Variants in PRIMA1 observed in about 807,000 individuals in gnomAD.
The protein encoded by PRIMA1 is proline-rich membrane anchor 1.
PRIMA1 carries 7 observed loss-of-function variants against 17.5 expected under a neutral mutation model. That is an observed-to-expected ratio of 0.40 (90% CI 0.23 to 0.75). The LOEUF (loss-of-function observed/expected upper bound fraction) is 0.75, where lower values mean the gene tolerates loss of function less well. Among genes scored for constraint, PRIMA1 ranks in the 30% least tolerant of loss-of-function variants. The pLI, the probability that PRIMA1 is intolerant of heterozygous loss-of-function variation, is 0.37. For synonymous variants in PRIMA1, 97 were observed against 77.9 expected (o/e 1.25, Z -1.29); for missense variants, 200 against 201.8 (o/e 0.99, Z 0.05).
chr14:93,740,433 A>C (rs2076177968), intron 3 of PRIMA1, among the ~76,000 whole-genome samples: 1 of 152,238 alleles, frequency 6.6e-6, no homozygotes, highest in South Asian at 2.1e-4. Flanking sequence ...CTGGAGAGTC[A>C]GAAATATAGC....
At chr14:93,780,105 C>T (rs1297289025) in intron 2 of PRIMA1, among the ~76,000 whole-genome samples, 1 of 152,254 alleles carries the variant, frequency 6.6e-6, no homozygotes, top group African/African-American at 2.4e-5. Flanking sequence ...TCTCTCCTTT[C>T]AGTTCCAGGC....
At position 93,756,276 on chromosome 14, in the gene PRIMA1, T is replaced by C. The variant is rs546934163; in HGVS notation, c.230-18906A>G. 6.0e-4 allele frequency among the ~76,000 whole-genome samples: 92 copies of C among 152,298 alleles called. 1 individual carries two copies. Among genetic ancestry groups the C allele is most frequent in the African/African-American group, 2.2e-3 (91 of 41,560 alleles). On this transcript the variant is annotated intron_variant, in intron 3 of 4. Coordinates refer to ENST00000393140, the MANE Select transcript of PRIMA1 (RefSeq NM_178013.4). ...TTAAACACTGGGCGTGGCTCATTAG[T>C]GCAGTATCTAATGGCTGCCACTGCT...
At chr14:93,755,820 C>A (rs988721239) in intron 3 of PRIMA1, among the ~76,000 whole-genome samples, 1 of 152,124 alleles carries the variant, frequency 6.6e-6, no homozygotes, top group African/African-American at 2.4e-5. Context: ...TCCCACCCCC[C>A]AGAGCCAACC....
intron 3 of PRIMA1, among the ~76,000 whole-genome samples, chr14:93,747,600 T>G (rs1293931300): frequency 6.7e-6 from 1 of 148,228 alleles, no homozygotes; most frequent in Non-Finnish European, 1.5e-5. Context: ...GTATTGTGTA[T>G]GAGTGTGTGA....
At chr14:93,728,688 A>G (rs1322531527) in intron 4 of PRIMA1, among the ~76,000 whole-genome samples, 3 of 152,174 alleles carry the variant, frequency 2.0e-5, no homozygotes, top group Non-Finnish European at 4.4e-5. Flanking sequence ...TGATGACAAA[A>G]GAAAAAGGCC....
rs943160945 is a variant in PRIMA1, at chr14:93,757,395, G to A, written c.230-20025C>T. On this transcript the variant is annotated intron_variant, in intron 3 of 4. Coordinates refer to ENST00000393140, the MANE Select transcript of PRIMA1 (RefSeq NM_178013.4). ...GCGGCTCTATGGACACGTCAGAGCCGGCTAATCCCACAGGGTTTAAGTGGC... is the reference window on the plus strand; with the variant it reads ...GCGGCTCTATGGACACGTCAGAGCCAGCTAATCCCACAGGGTTTAAGTGGC... Among the ~76,000 whole-genome samples the A allele has an allele frequency of 5.3e-5, 8 of 152,214 alleles. 1 individual carries two copies. Among genetic ancestry groups the A allele is most frequent in the African/African-American group, 1.4e-4 (6 of 41,458 alleles).
rs111634756 is a variant in PRIMA1 at position 93,739,057 on chromosome 14, CT to C, written c.230-1688del. 4.2e-3 allele frequency among the ~76,000 whole-genome samples: 616 copies of C among 145,004 alleles called. 2 individuals are homozygous for C. Among genetic ancestry groups the C allele is most frequent in the African/African-American group, 0.011 (451 of 40,028 alleles). On this transcript the variant is annotated intron_variant, in intron 3 of 4. Transcript: ENST00000393140. Reference sequence around the variant, plus strand: ...CACAATTTGTTGTTGTTTTTTCTTTCTTTTTTTTTTTTGAGACGGAGTTTCG... The same window carrying C: ...CACAATTTGTTGTTGTTTTTTCTTTCTTTTTTTTTTTGAGACGGAGTTTCG...
chr14:93,730,092 G>A (rs547167174), intron 4 of PRIMA1, among the ~76,000 whole-genome samples: 74 of 152,188 alleles, frequency 4.9e-4, no homozygotes, highest in Non-Finnish European at 9.3e-4. Flanking sequence ...GGTGGACTCT[G>A]GCAAGTCTGT....
chr14:93,740,458 C>G (rs550517884), intron 3 of PRIMA1, among the ~76,000 whole-genome samples: 1 of 152,350 alleles, frequency 6.6e-6, no homozygotes, highest in Non-Finnish European at 1.5e-5. Flanking sequence ...TCATCCAAGG[C>G]TGTTCTGTCT....
intron 3 of PRIMA1, among the ~76,000 whole-genome samples, chr14:93,767,055 G>A (rs1235216439): frequency 6.6e-6 from 1 of 152,160 alleles, no homozygotes; most frequent in Admixed American, 6.5e-5. Flanking sequence ...CCAACCTCAC[G>A]TCGCCATGAC....
intron 3 of PRIMA1, among the ~76,000 whole-genome samples, chr14:93,747,701 AGT>A (rs546953212): frequency 2.7e-3 from 402 of 148,282 alleles, no homozygotes; most frequent in Non-Finnish European, 3.8e-3. Context: ...AGTGCATATG[AGT>A]GTGTGAGTGT....
chr14:93,741,319 G>A (rs1218762760), intron 3 of PRIMA1, among the ~76,000 whole-genome samples: 2 of 152,314 alleles, frequency 1.3e-5, no homozygotes, highest in East Asian at 1.9e-4. Flanking sequence ...CCCAAGGGCC[G>A]GGGTTGGGAC....
At chr14:93,738,746 C>A (rs1266399554) in intron 3 of PRIMA1, among the ~76,000 whole-genome samples, 3 of 152,186 alleles carry the variant, frequency 2.0e-5, no homozygotes, top group Non-Finnish European at 2.9e-5. Flanking sequence ...AATGCATGCA[C>A]CAGTGGAAGC....
intron 4 of PRIMA1, among the ~76,000 whole-genome samples, chr14:93,727,671 C>A (rs1375418492): frequency 6.6e-6 from 1 of 152,178 alleles, no homozygotes; most frequent in East Asian, 1.9e-4. Context: ...GGGCCTTCGG[C>A]TGAGGTCTGG....
In PRIMA1 at chr14:93,787,701, C is replaced by T. The variant is rs1379382331; in HGVS notation, c.18G>A (p.Leu6=). Residue 6 remains leucine (L), a synonymous_variant, in exon 2 of 5, where the codon TTG becomes TTA. Transcript: ENST00000393140. MLLRD[L]VLRRGCCWSS... is the part of the protein sequence containing the mutation. ...ACCAGCAGCAGCCACGGCGCAGCACCAAGTCCCGGAGGAGCATCTCGGCCA... is the reference window on the plus strand; with the variant it reads ...ACCAGCAGCAGCCACGGCGCAGCACTAAGTCCCGGAGGAGCATCTCGGCCA... The T allele has an allele frequency of 1.9e-6, 3 of 1,544,254 alleles. No homozygotes were observed. The highest frequency in any genetic ancestry group is 2.4e-5 in the East Asian group (1 of 40,914).
intron 3 of PRIMA1, among the ~76,000 whole-genome samples, chr14:93,759,764 G>A (rs1040947208): frequency 6.6e-6 from 1 of 152,220 alleles, no homozygotes; most frequent in Non-Finnish European, 1.5e-5. Flanking sequence ...CTCTGTCCCC[G>A]GGAGCCCCAC....
chr14:93,784,703 T>G (rs1373249452), intron 2 of PRIMA1, among the ~76,000 whole-genome samples: 4 of 152,206 alleles, frequency 2.6e-5, no homozygotes, highest in Non-Finnish European at 5.9e-5. Flanking sequence ...ATTTGCATCC[T>G]AACTTCTCAT....
intron 4 of PRIMA1, among the ~76,000 whole-genome samples, chr14:93,731,384 C>G (rs1367878570): frequency 7.1e-6 from 1 of 141,124 alleles, no homozygotes; most frequent in Admixed American, 7.6e-5. Context: ...AAGTGGTTGC[C>G]TCTCAAGAAT....
At chr14:93,723,027 T>G (rs2076052260) in intron 4 of PRIMA1, among the ~76,000 whole-genome samples, 1 of 152,076 alleles carries the variant, frequency 6.6e-6, no homozygotes, top group Non-Finnish European at 1.5e-5. Context: ...GCTGGGGTTC[T>G]GAAATTACAG....
Sources: allele counts gnomAD v4.1 joint callset (sites outside exome capture counted in the v4.1 genomes callset), GRCh38; gene constraint gnomAD v4.1.1; transcripts MANE v1.5; gene names NCBI Gene and HGNC (gene_info 2026-07-23, HGNC 2026-07-21).